PTPRM: variants seen among roughly 807,000 people sequenced by gnomAD.
PTPRM encodes receptor-type tyrosine-protein phosphatase mu.
PTPRM carries 47 observed loss-of-function variants against 186.7 expected under a neutral mutation model. The ratio of observed to expected loss-of-function variants is 0.25; its 90% CI spans 0.20 to 0.32. The LOEUF is 0.32. Among genes scored for constraint, PTPRM ranks in the 10% least tolerant of loss-of-function variants. The pLI, the probability that PTPRM is intolerant of heterozygous loss-of-function variation, is 1.00. For synonymous variants in PTPRM, 668 were observed against 674.9 expected (o/e 0.99, Z 0.16); for missense variants, 1,494 against 1,865.0 (o/e 0.80, Z 3.66).
At chr18:7,705,321 A>ATCTC (rs1470113131) in intron 1 of PTPRM, among the ~76,000 whole-genome samples, 30 of 143,076 alleles carry the variant, frequency 2.1e-4, no homozygotes, top group African/African-American at 7.6e-4. Context: ...CTATCTATCT[A>ATCTC]TCTATCTGTC....
At chr18:7,700,972 T>C (rs1210527489) in intron 1 of PTPRM, among the ~76,000 whole-genome samples, 3 of 23,510 alleles carry the variant, frequency 1.3e-4, no homozygotes, top group Non-Finnish European at 6.5e-5. Context: ...CCAGAGCCTA[T>C]CTCAAAAAAA....
chr18:7,926,652 G>T lies in PTPRM; in HGVS notation c.632G>T (p.Arg211Met), dbSNP rs2051187873. ...ACCTTCCAGTGCAGTGCCATCGGCAGGACCGTGGCAGGAGACAGGCTCTGG... is the reference window on the plus strand; with the variant it reads ...ACCTTCCAGTGCAGTGCCATCGGCATGACCGTGGCAGGAGACAGGCTCTGG... Reference protein sequence around the residue: ...FATFQCSAIGRTVAGDRLWLQ... With the variant: ...FATFQCSAIGMTVAGDRLWLQ... Residue 211 changes from arginine to methionine, a missense_variant, in exon 5 of 33, where the codon AGG (arginine) becomes ATG (methionine). Around this residue, in one of 3 missense-constraint regions of PTPRM, gnomAD observed 296 missense variants for 345.5 expected, o/e 0.86. Coordinates refer to ENST00000580170, the MANE Select transcript of PTPRM (RefSeq NM_001105244.2). 1 of 1,612,984 alleles carries T rather than the reference G, an allele frequency of 6.2e-7. No individual in the cohort carries two copies. Among genetic ancestry groups the T allele is most frequent in the African/African-American group, 1.3e-5 (1 of 74,876 alleles).
intron 4 of PTPRM, among the ~76,000 whole-genome samples, chr18:7,921,381 ATT>A (rs368367424): frequency 9.0e-4 from 123 of 136,068 alleles, no homozygotes; most frequent in African/African-American, 2.0e-3. Flanking sequence ...CCTCTAATGA[ATT>A]TTTTTTTTTT....
chr18:8,356,712 C>T (rs540691730), intron 23 of PTPRM, among the ~76,000 whole-genome samples: 1 of 152,236 alleles, frequency 6.6e-6, no homozygotes, highest in East Asian at 1.9e-4. Flanking sequence ...AGTGAGACTC[C>T]AGTTGGCGGC....
At chr18:7,759,538 T>A (rs1183163009) in intron 1 of PTPRM, among the ~76,000 whole-genome samples, 2 of 152,246 alleles carry the variant, frequency 1.3e-5, no homozygotes, top group African/African-American at 4.8e-5. Flanking sequence ...AGGCATATTA[T>A]GAAGTCATTG....
At chr18:7,931,336 T>C (rs1046774700) in intron 5 of PTPRM, among the ~76,000 whole-genome samples, 3 of 150,700 alleles carry the variant, frequency 2.0e-5, no homozygotes, top group South Asian at 2.1e-4. Context: ...TGTGTGTATA[T>C]ATATATAACA....
chr18:8,223,097 G>A (rs1460048498), intron 14 of PTPRM, among the ~76,000 whole-genome samples: 9 of 152,124 alleles, frequency 5.9e-5, no homozygotes, highest in Non-Finnish European at 1.0e-4. Context: ...GGTGGCACAT[G>A]CCTGTAGTCT....
intron 7 of PTPRM, among the ~76,000 whole-genome samples, chr18:8,043,855 A>G (rs1376820229): frequency 6.6e-6 from 1 of 152,172 alleles, no homozygotes; most frequent in African/African-American, 2.4e-5. Flanking sequence ...CAGGAGAGTC[A>G]GGGAAATGAA....
At chr18:8,097,869 AGAT>A (rs1323154843) in intron 11 of PTPRM, among the ~76,000 whole-genome samples, 5 of 152,244 alleles carry the variant, frequency 3.3e-5, no homozygotes, top group Non-Finnish European at 7.3e-5. Context: ...AGCATTAATT[AGAT>A]TTACATGCAG....
chr18:8,329,328 A>G lies in PTPRM; in HGVS notation c.2956+10114A>G, dbSNP rs191313440. On this transcript the variant is annotated intron_variant, in intron 22 of 32. Transcript: ENST00000580170. The stretch of plus-strand genomic sequence containing the variant: ...TCATCCACATAAGTTCAAGTGAGTC[A>G]TATATGCAAAAGTATTTGCAAACTG... Among the ~76,000 whole-genome samples the G allele has an allele frequency of 1.0e-4, 16 of 152,384 alleles. No homozygotes were observed. In the East Asian group the frequency reaches 2.7e-3, roughly 26 times the overall value.
intron 19 of PTPRM, among the ~76,000 whole-genome samples, chr18:8,272,101 T>C (rs1375461612): frequency 1.3e-5 from 2 of 151,146 alleles, no homozygotes; most frequent in Admixed American, 6.6e-5. Flanking sequence ...TAATCCCAGC[T>C]ACTCGGGAGA....
At chr18:8,281,200 C>A (rs1601614443) in intron 19 of PTPRM, among the ~76,000 whole-genome samples, 1 of 152,322 alleles carries the variant, frequency 6.6e-6, no homozygotes, top group East Asian at 1.9e-4. Flanking sequence ...CACAATGACA[C>A]CATGCTGCAT....
chr18:7,757,076 C>G (rs2041533723), intron 1 of PTPRM, among the ~76,000 whole-genome samples: 1 of 152,156 alleles, frequency 6.6e-6, no homozygotes, highest in Non-Finnish European at 1.5e-5. Context: ...TGTTAAGGCT[C>G]TTTTGGAATG....
chr18:7,940,613 C>T (rs12968232), intron 5 of PTPRM, among the ~76,000 whole-genome samples: 25,839 of 150,850 alleles, frequency 0.17, 2,384 homozygotes, highest in African/African-American at 0.19. Flanking sequence ...CTGAGTCAGC[C>T]GGCACAGTGG....
rs549950173 is a variant in PTPRM, at chr18:8,003,350, A to T, written c.1132+47936A>T. On this transcript the variant is annotated intron_variant, in intron 7 of 32. Transcript: ENST00000580170. ...TGTGAGGCCTCCCCAGCCATGTGGAACTGTCAGTGCATTAAACCCCTTTCT... is the reference window on the plus strand; with the variant it reads ...TGTGAGGCCTCCCCAGCCATGTGGATCTGTCAGTGCATTAAACCCCTTTCT... Among the ~76,000 whole-genome samples the T allele has an allele frequency of 1.3e-4, 20 of 152,326 alleles. No individual in the cohort carries two copies. The South Asian group carries it at 4.1e-3, about 32-fold the overall frequency.
At chr18:8,084,316 G>A (rs569080834) in intron 9 of PTPRM, among the ~76,000 whole-genome samples, 1 of 152,286 alleles carries the variant, frequency 6.6e-6, no homozygotes, top group African/African-American at 2.4e-5. Context: ...GGAGGTATCC[G>A]AATGGAGGAC....
At chr18:8,184,907 A>C (rs1413528023) in intron 14 of PTPRM, among the ~76,000 whole-genome samples, 2 of 152,224 alleles carry the variant, frequency 1.3e-5, no homozygotes, top group Non-Finnish European at 2.9e-5. Flanking sequence ...GCAGTTGCCC[A>C]GGTAAGACAC....
At chr18:8,197,672 C>G (rs1490743967) in intron 14 of PTPRM, among the ~76,000 whole-genome samples, 1 of 152,186 alleles carries the variant, frequency 6.6e-6, no homozygotes, top group South Asian at 2.1e-4. Context: ...TGTGGCTTCA[C>G]TAATATACTC....
intron 14 of PTPRM, among the ~76,000 whole-genome samples, chr18:8,176,248 C>T (rs530333596): frequency 3.2e-4 from 49 of 151,590 alleles, no homozygotes; most frequent in African/African-American, 1.2e-3. Flanking sequence ...GACATAATAT[C>T]GAAGTTATTT....
Sources: gnomAD v4.1 joint callset for allele counts (sites outside exome capture counted in the v4.1 genomes callset) on GRCh38, gnomAD v4.1.1 for gene constraint, gnomAD v4.1.1 regional missense constraint, MANE v1.5 for transcripts, NCBI Gene and HGNC (gene_info 2026-07-23, HGNC 2026-07-21) for gene names.